The following BCAP31 variants were observed in gnomAD, a reference collection of about 807,000 sequenced individuals.
BCAP31 encodes B cell receptor associated protein 31.
For synonymous variants in BCAP31, 75 were observed against 80.9 expected, an observed-to-expected ratio of 0.93 and a Z score of 0.39; for missense variants, 124 against 193.0, an observed-to-expected ratio of 0.64 and a Z score of 2.12.
rs2091679428 is a variant in BCAP31, at chrX:153,723,138, C to T, written c.92+15G>A. The T allele has an allele frequency of 3.3e-6, 4 of 1,208,344 alleles. No homozygotes were observed. The East Asian group carries it at 1.2e-4, about 36-fold the overall frequency. ...CCCTCCTGCCTAACTCGCCTGCTTG[C>T]TCCATAGGCCATACCTTTTAGGAGA... On this transcript the variant is annotated intron_variant, in intron 2 of 7. Coordinates refer to ENST00000345046, the MANE Select transcript of BCAP31 (RefSeq NM_001256447.2).
chrX:153,723,383 C>T (rs2091682022), intron 1 of BCAP31, 95 bp from the exon 2 acceptor site: 41 of 1,130,763 alleles, frequency 3.6e-5, no homozygotes, highest in Non-Finnish European at 4.7e-5. Flanking sequence ...CCACTCTCCA[C>T]CCTGACCCCC....
intron 3 of BCAP31, among the ~76,000 whole-genome samples, chrX:153,717,159 G>A (rs1250496881): frequency 8.9e-6 from 1 of 112,120 alleles, no homozygotes; most frequent in Non-Finnish European, 1.9e-5. Flanking sequence ...ATATTCCCAG[G>A]GCCTGGGATA....
At chrX:153,710,118 G>A (rs1449569107) in intron 4 of BCAP31, among the ~76,000 whole-genome samples, 1 of 112,126 alleles carries the variant, frequency 8.9e-6, no homozygotes, top group Non-Finnish European at 1.9e-5. Context: ...CATGTGTTAC[G>A]TGAGGCTCTC....
intron 3 of BCAP31, among the ~76,000 whole-genome samples, chrX:153,720,415 A>G (rs2093312133): frequency 9.5e-6 from 1 of 104,811 alleles, no homozygotes; most frequent in African/African-American, 3.6e-5. Context: ...CCCAGGCTGG[A>G]GTGCAATGGT....
Position 153,715,675 on chromosome X carries a change from T to C in BCAP31, c.208A>G (p.Ile70Val), listed in dbSNP as rs781976516. ...TCCGTCACATCATCATACTTCCGAA[T>C]TTCGCGCACGGCATCTGTGGTGGAG... Reference protein sequence around the residue: ...VLLVIDAVREIRKYDDVTEKV... With the variant: ...VLLVIDAVREVRKYDDVTEKV... The change falls in exon 4 of 8, where the codon ATT becomes GTT. Residue 70 changes from isoleucine (I) to valine (V), a missense_variant. Ile to Val is a conservative substitution (Grantham distance 29). Coordinates refer to ENST00000345046, the MANE Select transcript of BCAP31 (RefSeq NM_001256447.2). The C allele has an allele frequency of 8.3e-7, 1 of 1,209,643 alleles. No homozygotes were observed. Among genetic ancestry groups the C allele is most frequent in the African/African-American group, 1.8e-5 (1 of 57,082 alleles).
chrX:153,703,260 G>T (rs1557047788), intron 5 of BCAP31, among the ~76,000 whole-genome samples: 1 of 113,431 alleles, frequency 8.8e-6, no homozygotes, highest in Non-Finnish European at 1.9e-5. Flanking sequence ...GGAAAGAGAA[G>T]CGCCAGCGGG....
chrX:153,702,701 A>G (rs1395602387), intron 6 of BCAP31, among the ~76,000 whole-genome samples: 2 of 112,249 alleles, frequency 1.8e-5, no homozygotes, highest in Non-Finnish European at 3.8e-5. Flanking sequence ...AGGCCCACCA[A>G]CTGCAGCCTG....
chrX:153,701,999 G>A lies in BCAP31; in HGVS notation c.702+8C>T. 3 of 1,208,713 alleles carry A rather than the reference G, an allele frequency of 2.5e-6. No individual in the cohort carries two copies. Among genetic ancestry groups the A allele is most frequent in the Non-Finnish European group, 2.2e-6 (2 of 893,017 alleles). ...CTGCCCTGGGCGCAGCAATACGGGA[G>A]GGCTGACCTGCAGCTTTGCGTGCTC... is the stretch of plus-strand genomic sequence containing the variant. On this transcript the variant is annotated splice_region_variant and intron_variant, in intron 7 of 7. Transcript: ENST00000345046.
chrX:153,723,010 A>G, intron 2 of BCAP31, 143 bp downstream of exon 2: 1 of 771,146 alleles, frequency 1.3e-6, no homozygotes, highest in Non-Finnish European at 1.8e-6. Flanking sequence ...AACAAACACA[A>G]CCCCTGCCAC....
intron 4 of BCAP31, among the ~76,000 whole-genome samples, chrX:153,714,799 G>C (rs782324431): frequency 3.6e-5 from 4 of 110,992 alleles, no homozygotes; most frequent in South Asian, 7.7e-4. Context: ...CTTTTGAGAA[G>C]TGATTAAGTG....
chrX:153,716,062 A>G (rs1557050072), intron 3 of BCAP31, among the ~76,000 whole-genome samples: 4 of 108,313 alleles, frequency 3.7e-5, no homozygotes, highest in African/African-American at 1.4e-4. Flanking sequence ...GCTACTCGGG[A>G]GGCTGAGGCA....
At chrX:153,702,484 G>A (rs1484383090) in intron 6 of BCAP31, 1 of 185,808 alleles carries the variant, frequency 5.4e-6, no homozygotes, top group African/African-American at 3.0e-5. Flanking sequence ...CAGCAGGCGA[G>A]GCCTGTGGTA....
At chrX:153,723,471 C>T in intron 1 of BCAP31, 183 bp from the exon 2 acceptor site, 17 of 1,148,136 alleles carry the variant, frequency 1.5e-5, no homozygotes, top group Non-Finnish European at 2.0e-5. Context: ...CAGCAGCGTT[C>T]ACAGGCCCCA....
At chrX:153,701,224 T>C (rs1300329038) in intron 7 of BCAP31, among the ~76,000 whole-genome samples, 1 of 112,390 alleles carries the variant, frequency 8.9e-6, no homozygotes, top group Non-Finnish European at 1.9e-5. Flanking sequence ...AGGACCTCAC[T>C]GGGGGCTGAG....
intron 1 of BCAP31, 193 bp from the exon 2 acceptor site, chrX:153,723,481 A>C (rs2091682990): frequency 8.7e-7 from 1 of 1,150,243 alleles, no homozygotes; most frequent in Middle Eastern, 2.4e-4. Flanking sequence ...CACAGGCCCC[A>C]CAAACTTCCG....
Position 153,700,832 on chromosome X carries a change from C to G in BCAP31, c.*105G>C. On this transcript the variant is annotated 3_prime_UTR_variant, in exon 8 of 8. Transcript: ENST00000345046. ...GAGCTGTGGAAGGGAATGGGGGAAG[C>G]AGAAGGGCACAAACAGAAGTACTGG... is the stretch of plus-strand genomic sequence containing the variant. 1 of 810,444 alleles carries G rather than the reference C, an allele frequency of 1.2e-6. No homozygotes were observed. Among genetic ancestry groups the G allele is most frequent in the Non-Finnish European group, 1.8e-6 (1 of 551,751 alleles). The allele number at this position is 810,444 out of a possible 1,213,427, so 66.8% of individuals were successfully genotyped here. A position where few individuals can be genotyped will look rare whatever the true frequency, so the allele number is the denominator to read the frequency against.
At chrX:153,710,752 T>C (rs782128095) in intron 4 of BCAP31, among the ~76,000 whole-genome samples, 21 of 111,651 alleles carry the variant, frequency 1.9e-4, no homozygotes, top group Non-Finnish European at 3.8e-4. Context: ...TAACCTCCTA[T>C]GTGTTCTGAG....
chrX:153,717,927 A>C (rs1461927511), intron 3 of BCAP31, among the ~76,000 whole-genome samples: 1 of 112,594 alleles, frequency 8.9e-6, no homozygotes, highest in Non-Finnish European at 1.9e-5. Context: ...TATTTGCATA[A>C]ATTTGCAATG....
Position 153,716,710 on chromosome X carries a change from C to T in BCAP31, c.194-1021G>A, listed in dbSNP as rs374098232. Among the ~76,000 whole-genome samples the T allele has an allele frequency of 1.3e-4, 14 of 111,342 alleles. No individual in the cohort carries two copies. The East Asian group carries it at 3.6e-3, about 29-fold the overall frequency. On this transcript the variant is annotated intron_variant, in intron 3 of 7. Transcript: ENST00000345046. ...AAGAGGTCAAGGCTGCTGTGAGTTA[C>T]GATCACACCACTGCATTCCAGCCTG...
Sources: gnomAD v4.1 joint callset for allele counts (sites outside exome capture counted in the v4.1 genomes callset) on GRCh38, gnomAD v4.1.1 for gene constraint, MANE v1.5 for transcripts, NCBI Gene and HGNC (gene_info 2026-07-23, HGNC 2026-07-21) for gene names.